TMEM178B: variants seen among roughly 807,000 people sequenced by gnomAD.
The protein encoded by TMEM178B is transmembrane protein 178B.
In TMEM178B, 5 loss-of-function variants were observed where a neutral mutation model predicts 31.0. That is an observed-to-expected ratio of 0.16 (90% confidence interval 0.08 to 0.34). The LOEUF (loss-of-function observed/expected upper bound fraction) is 0.34, where lower values mean the gene tolerates loss of function less well. Ranked by LOEUF, TMEM178B falls within the 10% of genes least tolerant of loss-of-function variation. TMEM178B has a pLI of 1.00. For synonymous variants in TMEM178B, 164 were observed against 164.0 expected, an observed-to-expected ratio of 1.00 and a Z score of 0.00; for missense variants, 275 against 400.3, an observed-to-expected ratio of 0.69 and a Z score of 2.67.
intron 2 of TMEM178B, among the ~76,000 whole-genome samples, chr7:141,306,380 T>C (rs1299430025): frequency 6.6e-6 from 1 of 152,178 alleles, no homozygotes; most frequent in Non-Finnish European, 1.5e-5. Context: ...TGTGGCTGTG[T>C]TAATAATGCA....
At chr7:141,449,292 C>A (rs897301826) in intron 3 of TMEM178B, among the ~76,000 whole-genome samples, 1 of 151,866 alleles carries the variant, frequency 6.6e-6, no homozygotes, top group African/African-American at 2.4e-5. Context: ...TCCCAGGAAA[C>A]AAGAGGGACA....
chr7:141,095,234 C>A (rs932715883), intron 1 of TMEM178B, among the ~76,000 whole-genome samples: 1 of 152,130 alleles, frequency 6.6e-6, no homozygotes, highest in African/African-American at 2.4e-5. Context: ...GTTAGTGGAG[C>A]AGGTGGTGTA....
chr7:141,346,447 T>C (rs1799621740), intron 2 of TMEM178B, among the ~76,000 whole-genome samples: 1 of 152,208 alleles, frequency 6.6e-6, no homozygotes, highest in African/African-American at 2.4e-5. Context: ...CTGGAAAAAT[T>C]AGCCCCTCTT....
intron 2 of TMEM178B, among the ~76,000 whole-genome samples, chr7:141,370,540 C>A (rs1427232497): frequency 6.6e-6 from 1 of 152,158 alleles, no homozygotes; most frequent in Non-Finnish European, 1.5e-5. Flanking sequence ...TAGACAGGGA[C>A]TTTTATTGGT....
At chr7:141,372,654 T>C (rs1800139786) in intron 2 of TMEM178B, among the ~76,000 whole-genome samples, 1 of 152,240 alleles carries the variant, frequency 6.6e-6, no homozygotes, top group Non-Finnish European at 1.5e-5. Context: ...GAGAAGTTGC[T>C]GGAAGTGTCT....
chr7:141,117,474 T>C (rs1051109659), intron 1 of TMEM178B, among the ~76,000 whole-genome samples: 1 of 152,240 alleles, frequency 6.6e-6, no homozygotes, highest in African/African-American at 2.4e-5. Flanking sequence ...TTCACTCTGA[T>C]GATAGTTCCT....
chr7:141,496,293 T>G, the TMEM178B span, among the ~76,000 whole-genome samples: 1 of 152,190 alleles, frequency 6.6e-6, no homozygotes, highest in African/African-American at 2.4e-5. Flanking sequence ...ACTTTTCCCC[T>G]TGCTGTCAGT....
At chr7:141,111,572 A>G (rs570301372) in intron 1 of TMEM178B, among the ~76,000 whole-genome samples, 5 of 152,368 alleles carry the variant, frequency 3.3e-5, no homozygotes, top group African/African-American at 1.2e-4. Flanking sequence ...ACAATTCATT[A>G]GCCTAGGGAA....
At chr7:141,441,952 A>T (rs1416085737) in intron 3 of TMEM178B, among the ~76,000 whole-genome samples, 2 of 152,136 alleles carry the variant, frequency 1.3e-5, no homozygotes, top group Non-Finnish European at 2.9e-5. Flanking sequence ...GGGGGTGGCA[A>T]GTGGGATCCA....
At chr7:141,089,786 C>T (rs1794849871) in intron 1 of TMEM178B, among the ~76,000 whole-genome samples, 1 of 151,950 alleles carries the variant, frequency 6.6e-6, no homozygotes, top group Admixed American at 6.6e-5. Context: ...CGCATGTTCT[C>T]ACTCATAGGT....
chr7:141,295,318 T>C (rs1798612887), intron 2 of TMEM178B, among the ~76,000 whole-genome samples: 1 of 152,122 alleles, frequency 6.6e-6, no homozygotes, highest in Non-Finnish European at 1.5e-5. Context: ...TGGGAAGCTG[T>C]GCAGAGAGGT....
intron 2 of TMEM178B, among the ~76,000 whole-genome samples, chr7:141,343,714 T>A (rs1020323548): frequency 6.6e-6 from 1 of 152,102 alleles, no homozygotes; most frequent in Non-Finnish European, 1.5e-5. Context: ...CAAGCCTGGC[T>A]AATTTTTTAT....
intron 1 of TMEM178B, among the ~76,000 whole-genome samples, chr7:141,097,884 CT>C (rs1449091768): frequency 6.6e-6 from 1 of 150,904 alleles, no homozygotes; most frequent in Non-Finnish European, 1.5e-5. Flanking sequence ...TTCGACCTCC[CT>C]GGTTCAAGTG....
intron 3 of TMEM178B, among the ~76,000 whole-genome samples, chr7:141,451,472 G>A (rs1026322666): frequency 3.3e-5 from 5 of 152,096 alleles, no homozygotes; most frequent in Admixed American, 2.0e-4. Context: ...TCCCAAAGCT[G>A]GAATTCAGAC....
chr7:141,483,983 G>A (rs572917258), downstream of TMEM178B, among the ~76,000 whole-genome samples: 2 of 152,194 alleles, frequency 1.3e-5, no homozygotes, highest in Admixed American at 6.5e-5. Context: ...TGATCCACAC[G>A]TCTCGGCCTC....
intron 2 of TMEM178B, among the ~76,000 whole-genome samples, chr7:141,435,124 T>C (rs556110595): frequency 2.4e-4 from 36 of 150,568 alleles, no homozygotes; most frequent in African/African-American, 8.1e-4. Flanking sequence ...CAACATACAC[T>C]GGGGGAAGGA....
At chr7:141,440,589 G>A (rs1801639770) in intron 3 of TMEM178B, among the ~76,000 whole-genome samples, 1 of 152,090 alleles carries the variant, frequency 6.6e-6, no homozygotes, top group African/African-American at 2.4e-5. Flanking sequence ...GGGCAGGGCT[G>A]AGATGGGGCC....
chr7:141,149,057 G>A (rs751562215), intron 1 of TMEM178B, among the ~76,000 whole-genome samples: 6 of 152,160 alleles, frequency 3.9e-5, no homozygotes, highest in Non-Finnish European at 5.9e-5. Context: ...CATGGCTTTG[G>A]GCTTTGAATG....
intron 2 of TMEM178B, among the ~76,000 whole-genome samples, chr7:141,328,727 C>T (rs1211349652): frequency 1.3e-5 from 2 of 152,232 alleles, no homozygotes; most frequent in African/African-American, 4.8e-5. Context: ...TGGCCAGTGT[C>T]ATCTACCATT....
Sources: allele counts gnomAD v4.1 joint callset (sites outside exome capture counted in the v4.1 genomes callset), GRCh38; gene constraint gnomAD v4.1.1; transcripts MANE v1.5; gene names NCBI Gene and HGNC (gene_info 2026-07-23, HGNC 2026-07-21).